The following QTMAN variants were observed in gnomAD, a reference collection of about 807,000 sequenced individuals.
QTMAN encodes tRNA-queuosine alpha-mannosyltransferase.
the QTMAN span, among the ~76,000 whole-genome samples, chr2:143,994,399 C>G: frequency 6.6e-5 from 10 of 152,146 alleles, no homozygotes; most frequent in South Asian, 6.2e-4. Flanking sequence ...TCTAACCCCC[C>G]CAAAGTGAAA....
At chr2:144,287,254 G>C in the QTMAN span, among the ~76,000 whole-genome samples, 1 of 152,120 alleles carries the variant, frequency 6.6e-6, no homozygotes, top group Non-Finnish European at 1.5e-5. Flanking sequence ...GGCTAACAAA[G>C]TGAAACCCCG....
the QTMAN span, among the ~76,000 whole-genome samples, chr2:144,327,027 C>G: frequency 6.6e-6 from 1 of 152,164 alleles, no homozygotes; most frequent in African/African-American, 2.4e-5. Flanking sequence ...CAGGGAAAGC[C>G]TCTGACCTTC....
the QTMAN span, among the ~76,000 whole-genome samples, chr2:144,161,018 G>T: frequency 6.6e-6 from 1 of 152,102 alleles, no homozygotes; most frequent in East Asian, 1.9e-4. Flanking sequence ...AATCCTCTAT[G>T]TTAGTCAGTC....
chr2:144,255,435 C>T, the QTMAN span, among the ~76,000 whole-genome samples: 21 of 152,162 alleles, frequency 1.4e-4, no homozygotes, highest in South Asian at 4.1e-4. Flanking sequence ...CTTTGGTTTC[C>T]GCCATGGTTG....
chr2:144,268,844 C>T, the QTMAN span, among the ~76,000 whole-genome samples: 4 of 152,118 alleles, frequency 2.6e-5, no homozygotes, highest in Non-Finnish European at 4.4e-5. Flanking sequence ...GGCTGGAGTG[C>T]AATGGCACGA....
the QTMAN span, among the ~76,000 whole-genome samples, chr2:144,291,356 G>A: frequency 6.6e-6 from 1 of 152,186 alleles, no homozygotes; most frequent in African/African-American, 2.4e-5. Context: ...CTGAGAGGGA[G>A]CAAAACTTTG....
At chr2:144,310,712 A>T in the QTMAN span, among the ~76,000 whole-genome samples, 1 of 152,246 alleles carries the variant, frequency 6.6e-6, no homozygotes, top group African/African-American at 2.4e-5. Context: ...GAAAAAGAAG[A>T]GTCAGGGATG....
the QTMAN span, among the ~76,000 whole-genome samples, chr2:144,214,378 G>A: frequency 2.1e-4 from 32 of 152,146 alleles, no homozygotes; most frequent in Non-Finnish European, 3.4e-4. Context: ...TAATAATTTT[G>A]CAGTCATAAA....
chr2:143,988,793 C>T, the QTMAN span, among the ~76,000 whole-genome samples: 6 of 152,168 alleles, frequency 3.9e-5, no homozygotes, highest in Non-Finnish European at 8.8e-5. Flanking sequence ...AACCTCCTTA[C>T]CCCTTGTAAA....
At chr2:144,324,863 A>G in the QTMAN span, among the ~76,000 whole-genome samples, 1 of 152,128 alleles carries the variant, frequency 6.6e-6, no homozygotes, top group Non-Finnish European at 1.5e-5. Flanking sequence ...TAAAAAAAAA[A>G]AAAAAGCCTA....
chr2:144,078,534 T>C, the QTMAN span, among the ~76,000 whole-genome samples: 1 of 152,190 alleles, frequency 6.6e-6, no homozygotes, highest in South Asian at 2.1e-4. Flanking sequence ...AAATCTCAAC[T>C]TCCTTCTCAT....
chr2:144,277,247 C>T, the QTMAN span, among the ~76,000 whole-genome samples: 1 of 151,868 alleles, frequency 6.6e-6, no homozygotes, highest in Non-Finnish European at 1.5e-5. Context: ...TAAAATTATA[C>T]ACATGGCTTG....
chr2:144,260,365 G>A, the QTMAN span, among the ~76,000 whole-genome samples: 1 of 151,946 alleles, frequency 6.6e-6, no homozygotes, highest in African/African-American at 2.4e-5. Context: ...ATGCAGAAGA[G>A]GGAAAACATC....
the QTMAN span, among the ~76,000 whole-genome samples, chr2:144,304,211 G>T: frequency 8.1e-4 from 124 of 152,236 alleles, no homozygotes; most frequent in African/African-American, 2.8e-3. Context: ...GGATAAAGAA[G>T]AATCACACCT....
chr2:143,939,440 C>A, the QTMAN span: 2 of 152,200 alleles, frequency 1.3e-5, no homozygotes, highest in African/African-American at 4.8e-5. Context: ...TGGCATCACA[C>A]ATCTATGTGG....
chr2:144,275,674 A>C, the QTMAN span, among the ~76,000 whole-genome samples: 2 of 152,158 alleles, frequency 1.3e-5, no homozygotes, highest in African/African-American at 2.4e-5. Context: ...GCTCAGTCTT[A>C]ACAGCCCCAT....
the QTMAN span, among the ~76,000 whole-genome samples, chr2:144,122,342 C>T: frequency 2.0e-5 from 3 of 152,024 alleles, no homozygotes; most frequent in African/African-American, 7.2e-5. Flanking sequence ...AAGGGTAAGA[C>T]ATTAGAAGAA....
chr2:144,164,208 G>A, the QTMAN span, among the ~76,000 whole-genome samples: 1 of 152,078 alleles, frequency 6.6e-6, no homozygotes, highest in Non-Finnish European at 1.5e-5. Flanking sequence ...ACAGCTGTGA[G>A]CCACTGCACC....
At chr2:143,957,181 C>G in the QTMAN span, 1 of 1,573,840 alleles carries the variant, frequency 6.4e-7, no homozygotes, top group South Asian at 1.2e-5. Context: ...ATATCACAAA[C>G]AGAAAGAACT....
Sources: gnomAD v4.1 joint callset for allele counts (sites outside exome capture counted in the v4.1 genomes callset) on GRCh38, gnomAD v4.1.1 for gene constraint, MANE v1.5 for transcripts, NCBI Gene and HGNC (gene_info 2026-07-23, HGNC 2026-07-21) for gene names.